The following PLA2G4E variants were observed in gnomAD, a reference collection of about 807,000 sequenced individuals.
The protein encoded by PLA2G4E is cytosolic phospholipase A2 epsilon.
Under a neutral mutation model 109.1 loss-of-function variants are expected in PLA2G4E, and 84 were observed. The observed-to-expected ratio is 0.77, with a 90% CI of 0.65 to 0.92. PLA2G4E has a LOEUF of 0.92. Among genes scored for constraint, PLA2G4E ranks in the 40% least tolerant of loss-of-function variants. The probability of loss-of-function intolerance (pLI) is 0.00; values close to 1 mark genes in which losing one functional copy is unlikely to be tolerated. For missense variants in PLA2G4E, 1,057 were observed against 1,076.6 expected (o/e 0.98, Z 0.25); for synonymous variants, 469 against 436.1 (o/e 1.08, Z -0.94).
Position 42,004,927 on chromosome 15 carries a change from G to A in PLA2G4E, c.566+11C>T, listed in dbSNP as rs1381245034. The A allele has an allele frequency of 6.2e-7, 1 of 1,613,054 alleles. No homozygotes were observed. The highest frequency in any genetic ancestry group is 1.3e-5 in the African/African-American group (1 of 75,014). On this transcript the variant is annotated intron_variant, in intron 5 of 19. Coordinates refer to ENST00000399518, the Ensembl canonical transcript of PLA2G4E. The stretch of plus-strand genomic sequence containing the variant: ...GGACCTTGGTGGGCCCCGGGGCCTG[G>A]GCCTACTCACCTCTCCTCCAGCAGG...
At chr15:41,989,666 G>A (rs2068210243) in intron 14 of PLA2G4E, 114 bp from the exon 15 acceptor site, 1 of 1,387,698 alleles carries the variant, frequency 7.2e-7, no homozygotes, top group African/African-American at 1.5e-5. Flanking sequence ...CCTGGGACAG[G>A]GAGGCCGCAG....
At chr15:42,029,260 A>T (rs1889074584) in intron 1 of PLA2G4E, among the ~76,000 whole-genome samples, 1 of 152,030 alleles carries the variant, frequency 6.6e-6, no homozygotes, top group Admixed American at 6.6e-5. Context: ...CGCCTAGCTA[A>T]TTTTTGTATT....
At chr15:42,042,120 A>T (rs1206324083) in intron 1 of PLA2G4E, among the ~76,000 whole-genome samples, 2 of 152,236 alleles carry the variant, frequency 1.3e-5, no homozygotes, top group Non-Finnish European at 2.9e-5. Flanking sequence ...CAGAAATTGG[A>T]AACAACCTAG....
intron 2 of PLA2G4E, among the ~76,000 whole-genome samples, chr15:42,012,566 G>A (rs1296970710): frequency 6.6e-6 from 1 of 152,096 alleles, no homozygotes; most frequent in Non-Finnish European, 1.5e-5. Flanking sequence ...CTCTCCCCAA[G>A]ATCGGGCTCC....
rs775514433 is a variant in PLA2G4E, at chr15:41,995,444, G to A, written c.1163C>T (p.Ser388Phe). Residue 388 changes from serine (S) to phenylalanine (F), a missense_variant, in exon 12 of 20, where the codon TCC (serine) becomes TTC (phenylalanine). Transcript: ENST00000399518. Reference sequence around the variant, plus strand: ...CAGCCCCAGCAGGTGGCCATACATGGAGGTCATGGATCTTGTTCCACCCCC... The same window carrying A: ...CAGCCCCAGCAGGTGGCCATACATGAAGGTCATGGATCTTGTTCCACCCCC... The A allele has an allele frequency of 5.6e-6, 9 of 1,614,008 alleles. No homozygotes were observed. The Middle Eastern group carries it at 4.9e-4, about 89-fold the overall frequency.
At chr15:42,048,891 C>A (rs1199576853) in intron 1 of PLA2G4E, among the ~76,000 whole-genome samples, 1 of 152,218 alleles carries the variant, frequency 6.6e-6, no homozygotes, top group Non-Finnish European at 1.5e-5. Flanking sequence ...ATTATGTTTT[C>A]GTTGCTCCCA....
chr15:42,017,174 G>A (rs1361455004), intron 1 of PLA2G4E, among the ~76,000 whole-genome samples: 1 of 152,236 alleles, frequency 6.6e-6, no homozygotes, highest in Non-Finnish European at 1.5e-5. Flanking sequence ...CCCAGGTCCG[G>A]TGGTCCTCTC....
intron 16 of PLA2G4E, 66 bp from the exon 17 acceptor site, chr15:41,987,441 G>A: frequency 6.7e-7 from 1 of 1,488,018 alleles, no homozygotes; most frequent in Non-Finnish European, 9.2e-7. Context: ...CCTATGCGAA[G>A]CCCCACATGG....
At chr15:41,999,528 G>C in exon 10 of PLA2G4E, 1 of 1,604,468 alleles carries the variant, frequency 6.2e-7, no homozygotes. Context: ...CTATACCAGG[G>C]TGTAGACTTC....
At chr15:41,990,351 G>T in intron 13 of PLA2G4E, 116 bp from the exon 14 acceptor site, 5 of 899,222 alleles carry the variant, frequency 5.6e-6, no homozygotes, top group Non-Finnish European at 8.7e-6. Context: ...TGAGCTCACC[G>T]GGCTGCTGTA....
chr15:42,049,371 CG>C (rs1889470507), intron 1 of PLA2G4E, among the ~76,000 whole-genome samples: 1 of 152,192 alleles, frequency 6.6e-6, no homozygotes, highest in Admixed American at 6.5e-5. Context: ...TTCATCCATG[CG>C]GGCAGCGGCC....
intron 13 of PLA2G4E, among the ~76,000 whole-genome samples, 200 bp from the exon 14 acceptor site, chr15:41,990,435 C>T (rs1296306963): frequency 6.6e-6 from 1 of 152,128 alleles, no homozygotes; most frequent in East Asian, 1.9e-4. Flanking sequence ...CTCGGGCTGC[C>T]CACCACCAGA....
At chr15:42,049,877 C>G (rs1249681950) in intron 1 of PLA2G4E, among the ~76,000 whole-genome samples, 1 of 152,344 alleles carries the variant, frequency 6.6e-6, no homozygotes, top group East Asian at 1.9e-4. Flanking sequence ...AGAAACTGCA[C>G]GAGGCAGACC....
chr15:41,988,231 C>T (rs1317105094), intron 15 of PLA2G4E, 75 bp from the exon 16 acceptor site: 15 of 978,510 alleles, frequency 1.5e-5, no homozygotes, highest in Non-Finnish European at 2.2e-5. Flanking sequence ...TTCCCCACTC[C>T]CCCCACCCCC....
intron 1 of PLA2G4E, among the ~76,000 whole-genome samples, chr15:42,031,696 T>C (rs1453592519): frequency 6.6e-6 from 1 of 152,124 alleles, no homozygotes; most frequent in East Asian, 1.9e-4. Context: ...CTGCCAAGCT[T>C]CTTGACATCA....
At chr15:41,990,054 G>T in intron 14 of PLA2G4E, 67 bp downstream of exon 14, 1 of 1,226,942 alleles carries the variant, frequency 8.2e-7, no homozygotes, top group Non-Finnish European at 1.2e-6. Context: ...GGAGGTGCTG[G>T]GTGCTTTTGC....
At chr15:42,049,858 G>A (rs1253905014) in intron 1 of PLA2G4E, among the ~76,000 whole-genome samples, 8 of 152,196 alleles carry the variant, frequency 5.3e-5, no homozygotes, top group African/African-American at 1.4e-4. Flanking sequence ...TCACACGCCC[G>A]CCCAGAGGAG....
chr15:42,048,499 CCA>C (rs1238811587), intron 1 of PLA2G4E, among the ~76,000 whole-genome samples: 1 of 151,956 alleles, frequency 6.6e-6, no homozygotes, highest in Non-Finnish European at 1.5e-5. Context: ...CGTCTGTGTC[CCA>C]GTCATGTGGG....
At chr15:42,038,456 G>A (rs1238244109) in intron 1 of PLA2G4E, among the ~76,000 whole-genome samples, 3 of 152,258 alleles carry the variant, frequency 2.0e-5, no homozygotes, top group South Asian at 2.1e-4. Flanking sequence ...ATGGGAGACA[G>A]TGACAGATCA....
Sources: gnomAD v4.1 joint callset for allele counts (sites outside exome capture counted in the v4.1 genomes callset) on GRCh38, gnomAD v4.1.1 for gene constraint, MANE v1.5 for transcripts, NCBI Gene and HGNC (gene_info 2026-07-23, HGNC 2026-07-21) for gene names.